Variants in COL4A3 observed in about 807,000 individuals in gnomAD.
COL4A3 encodes collagen type IV alpha 3 chain, also known as collagen alpha-3(IV) chain.
A neutral mutation model predicts 217.4 loss-of-function variants in COL4A3; 135 were observed. That is an observed-to-expected ratio of 0.62 (90% CI 0.54 to 0.72). The LOEUF (loss-of-function observed/expected upper bound fraction) is 0.72. Ranked by LOEUF, COL4A3 falls within the 30% of genes least tolerant of loss-of-function variation. The probability of loss-of-function intolerance (pLI) is 0.00; values close to 1 mark genes in which losing one functional copy is unlikely to be tolerated. For missense variants in COL4A3, 1,868 were observed against 2,119.9 expected (o/e 0.88, Z 2.33); for synonymous variants, 690 against 736.3 (o/e 0.94, Z 1.02).
chr2:227,164,797 C>T lies in COL4A3; in HGVS notation c.71C>T (p.Ala24Val). The T allele has an allele frequency of 6.6e-7, 1 of 1,518,178 alleles. No homozygotes were observed. The highest frequency in any genetic ancestry group is 8.8e-7 in the Non-Finnish European group (1 of 1,140,058). The allele number at this position is 1,518,178 out of a possible 1,614,324, so 94.0% of individuals were successfully genotyped here. Reference sequence around the variant, plus strand: ...CTCCTGCTGGTGCTCCTGGCGGCGGCGCCCGCAGCCAGCAAGGTGAGTGGG... The same window carrying T: ...CTCCTGCTGGTGCTCCTGGCGGCGGTGCCCGCAGCCAGCAAGGTGAGTGGG... ...LPLLLVLLAA[A>V]PAASKGCVCK... Residue 24 changes from alanine to valine, a missense_variant, in exon 1 of 52, where the codon GCG becomes GTG. Ala to Val is a moderately conservative substitution (Grantham distance 64). Around this residue, in one of 2 missense-constraint regions of COL4A3, gnomAD observed 365 missense variants for 333.8 expected, o/e 1.09. Transcript: ENST00000396578. This position sits in a 1 kb window ranked among gnomAD's most constrained non-coding sequence, Gnocchi z 4.8.
chr2:227,280,958 A>G lies in COL4A3; in HGVS notation c.2440A>G (p.Arg814Gly), dbSNP rs1421475586. Residue 814 changes from arginine (R) to glycine (G), a missense_variant, in exon 31 of 52, where the codon AGG becomes GGG. This residue lies in a region of COL4A3 where 1,503 missense variants were observed against 1,786.1 expected (regional missense o/e 0.84). Coordinates refer to ENST00000396578, the MANE Select transcript of COL4A3 (RefSeq NM_000091.5). ...CCCAGGAAGGTGCATAGAGGGTCCC[A>G]GGGGAGCCCAAGGACTTCCAGGCTT... ...GPPGRCIEGP[R>G]GAQGLPGLNG... 1.3e-6 allele frequency: 2 copies of G among 1,568,422 alleles called. 1 individual carries two copies. The highest frequency in any genetic ancestry group is 1.7e-6 in the Non-Finnish European group (2 of 1,156,034).
intron 1 of COL4A3, among the ~76,000 whole-genome samples, chr2:227,200,241 G>C (rs2066633248): frequency 6.6e-6 from 1 of 150,938 alleles, no homozygotes; most frequent in Non-Finnish European, 1.5e-5. Flanking sequence ...TCGAAGAAGG[G>C]ACTTTTTTCC....
chr2:227,307,201 G>A (rs1253540785), intron 47 of COL4A3, among the ~76,000 whole-genome samples: 2 of 151,934 alleles, frequency 1.3e-5, no homozygotes, highest in Non-Finnish European at 2.9e-5. Flanking sequence ...CTTACAAATT[G>A]ATCAAAACTT....
At chr2:227,211,757 A>G (rs1404199050) in intron 1 of COL4A3, among the ~76,000 whole-genome samples, 1 of 152,046 alleles carries the variant, frequency 6.6e-6, no homozygotes, top group Non-Finnish European at 1.5e-5. Context: ...TCCCAGGTTC[A>G]AGCAATTCTC....
At position 227,303,068 on chromosome 2, in the gene COL4A3, C is replaced by G; in HGVS notation, c.3913C>G (p.Pro1305Ala). 1.2e-6 allele frequency: 2 copies of G among 1,613,882 alleles called. No individual in the cohort carries two copies. The highest frequency in any genetic ancestry group is 4.5e-5 in the East Asian group (2 of 44,868). Residue 1305 changes from proline (P) to alanine (A), a missense_variant, in exon 44 of 52, where the codon CCC becomes GCC. Coordinates refer to ENST00000396578, the MANE Select transcript of COL4A3 (RefSeq NM_000091.5). ...ACCAGGTACTCCAGGTCTTCCAGGA[C>G]CCAGAGGTGATCCTGGATTCCAGGG... is the stretch of plus-strand genomic sequence containing the variant. ...GAPGTPGLPG[P>A]RGDPGFQGFP...
chr2:227,272,943 T>G lies in COL4A3; in HGVS notation c.1759-6T>G. The stretch of plus-strand genomic sequence containing the variant: ...GCACGATTCAAACACATTCCTGTTG[T>G]CACAGGCTCTGAGTGGTGAGAAAGG... On this transcript the variant is annotated splice_polypyrimidine_tract_variant and splice_region_variant and intron_variant, in intron 25 of 51. Coordinates refer to ENST00000396578, the MANE Select transcript of COL4A3 (RefSeq NM_000091.5). 1 of 1,613,916 alleles carries G rather than the reference T, an allele frequency of 6.2e-7. No homozygotes were observed. The highest frequency in any genetic ancestry group is 8.5e-7 in the Non-Finnish European group (1 of 1,179,840).
intron 1 of COL4A3, among the ~76,000 whole-genome samples, chr2:227,176,393 T>C (rs1248048573): frequency 6.6e-6 from 1 of 152,226 alleles, no homozygotes; most frequent in Non-Finnish European, 1.5e-5. Flanking sequence ...ATTTAAATAA[T>C]ATTTTATATT....
At chr2:227,244,233 G>C in intron 3 of COL4A3, 87 bp from the exon 4 acceptor site, 1 of 1,064,140 alleles carries the variant, frequency 9.4e-7, no homozygotes, top group Non-Finnish European at 1.5e-6. Context: ...AGCTTGGCAT[G>C]TGACTGAGAC....
At position 227,169,404 on chromosome 2, in the gene COL4A3, C is replaced by A. The variant is rs376437939; in HGVS notation, c.87+4591C>A. ...GATTCATAATCCTTTGGGTATATAC[C>A]CAGTAATGGGATGGCTGGGTCAAAT... On this transcript the variant is annotated intron_variant, in intron 1 of 51. Coordinates refer to ENST00000396578, the MANE Select transcript of COL4A3 (RefSeq NM_000091.5). Among the ~76,000 whole-genome samples the A allele has an allele frequency of 2.7e-5, 4 of 150,660 alleles. No homozygotes were observed. The East Asian group carries it at 5.9e-4, about 22-fold the overall frequency.
At chr2:227,236,093 G>A (rs527913751) in intron 1 of COL4A3, among the ~76,000 whole-genome samples, 1 of 152,212 alleles carries the variant, frequency 6.6e-6, no homozygotes, top group African/African-American at 2.4e-5. Context: ...CCTTTTTATG[G>A]CTGAGTAGCA....
At chr2:227,283,489 C>G (rs1051972435) in intron 32 of COL4A3, among the ~76,000 whole-genome samples, 3 of 152,186 alleles carry the variant, frequency 2.0e-5, no homozygotes, top group Non-Finnish European at 2.9e-5. Flanking sequence ...TAGAAAGTGA[C>G]TGGTCAGGGG....
At chr2:227,235,630 C>G (rs2068648128) in intron 1 of COL4A3, among the ~76,000 whole-genome samples, 1 of 152,104 alleles carries the variant, frequency 6.6e-6, no homozygotes, top group Non-Finnish European at 1.5e-5. Flanking sequence ...TTGTATCATT[C>G]TTATGCCTTT....
chr2:227,174,498 G>GATTATC (rs368211358), intron 1 of COL4A3, among the ~76,000 whole-genome samples: 2 of 150,450 alleles, frequency 1.3e-5, no homozygotes, highest in African/African-American at 5.0e-5. Flanking sequence ...TTAGTCTAGT[G>GATTATC]ATTATTATTA....
chr2:227,166,488 A>C (rs1221194323), intron 1 of COL4A3, among the ~76,000 whole-genome samples: 2 of 152,246 alleles, frequency 1.3e-5, no homozygotes, highest in Non-Finnish European at 2.9e-5. Flanking sequence ...AATTGTACTT[A>C]TGTGAGGATC....
At chr2:227,206,822 C>T (rs1167220031) in intron 1 of COL4A3, among the ~76,000 whole-genome samples, 3 of 152,204 alleles carry the variant, frequency 2.0e-5, no homozygotes, top group Non-Finnish European at 4.4e-5. Context: ...AGCTAAGCCT[C>T]ATACCAACCC....
chr2:227,207,602 G>T (rs1367828441), intron 1 of COL4A3, among the ~76,000 whole-genome samples: 3 of 152,216 alleles, frequency 2.0e-5, no homozygotes, highest in African/African-American at 7.2e-5. Context: ...AGGGCAGGGG[G>T]GTTTGCAGGG....
intron 40 of COL4A3, 51 bp downstream of exon 40, chr2:227,295,113 C>A: frequency 6.5e-7 from 1 of 1,548,842 alleles, no homozygotes; most frequent in South Asian, 1.1e-5. Context: ...TGGATAGAAT[C>A]ATTAGTAACA....
chr2:227,302,487 G>T (rs988569386), intron 43 of COL4A3, among the ~76,000 whole-genome samples: 2 of 151,926 alleles, frequency 1.3e-5, no homozygotes, highest in African/African-American at 4.8e-5. Flanking sequence ...GACCAGCTGG[G>T]CCAACATGGC....
At chr2:227,186,996 G>A (rs991399898) in intron 1 of COL4A3, among the ~76,000 whole-genome samples, 5 of 152,132 alleles carry the variant, frequency 3.3e-5, no homozygotes, top group Non-Finnish European at 7.4e-5. Context: ...GCACTGATCT[G>A]CTTCCTGGAA....
Sources: allele counts gnomAD v4.1 joint callset (sites outside exome capture counted in the v4.1 genomes callset), GRCh38; gene constraint gnomAD v4.1.1; regional missense constraint gnomAD v4.1.1; non-coding constraint Gnocchi (gnomAD v3.1); transcripts MANE v1.5; gene names NCBI Gene and HGNC (gene_info 2026-07-23, HGNC 2026-07-21).